Variants in UBTD2 observed in about 807,000 individuals in gnomAD.
UBTD2 encodes the protein ubiquitin domain-containing protein 2.
UBTD2 carries 9 observed loss-of-function variants against 19.8 expected under a neutral mutation model. The observed-to-expected ratio is 0.46, with a 90% CI of 0.27 to 0.79. The LOEUF (loss-of-function observed/expected upper bound fraction) is 0.79. Among genes scored for constraint, UBTD2 ranks in the 30% least tolerant of loss-of-function variants. UBTD2 has a pLI of 0.14. For missense variants in UBTD2, 250 were observed against 300.4 expected (o/e 0.83, Z 1.24); for synonymous variants, 98 against 103.9 (o/e 0.94, Z 0.35).
intron 2 of UBTD2, among the ~76,000 whole-genome samples, chr5:172,233,895 A>C (rs1307127927): frequency 6.6e-6 from 1 of 152,104 alleles, no homozygotes; most frequent in African/African-American, 2.4e-5. Flanking sequence ...TCTTTTCTGA[A>C]ATTAAGATAT....
At chr5:172,270,818 A>C (rs540123475) in intron 1 of UBTD2, among the ~76,000 whole-genome samples, 28 of 152,324 alleles carry the variant, frequency 1.8e-4, no homozygotes, top group African/African-American at 6.5e-4. Context: ...CTACTACATT[A>C]GAATTTTATA....
chr5:172,272,832 G>A (rs556221189), intron 1 of UBTD2, among the ~76,000 whole-genome samples: 16 of 152,298 alleles, frequency 1.1e-4, no homozygotes, highest in Admixed American at 6.5e-4. Flanking sequence ...TGTAATCCCA[G>A]CACTTTGGGA....
At chr5:172,227,870 G>A (rs1445942757) in intron 2 of UBTD2, among the ~76,000 whole-genome samples, 4 of 151,646 alleles carry the variant, frequency 2.6e-5, no homozygotes, top group African/African-American at 7.3e-5. Flanking sequence ...TAGTAGAGAC[G>A]GGGTTTCGCC....
intron 1 of UBTD2, among the ~76,000 whole-genome samples, chr5:172,254,094 G>A (rs7737176): frequency 9.0e-4 from 137 of 151,952 alleles, no homozygotes; most frequent in African/African-American, 3.2e-3. Context: ...ATTCAAACTA[G>A]CATTCCTTTT....
chr5:172,279,058 G>GT (rs1248286513), intron 1 of UBTD2, among the ~76,000 whole-genome samples: 9 of 152,296 alleles, frequency 5.9e-5, no homozygotes, highest in South Asian at 2.1e-4. Context: ...GAATGCAGGC[G>GT]TAAGCCACTG....
chr5:172,251,625 TG>T (rs1755021967), intron 1 of UBTD2, among the ~76,000 whole-genome samples: 3 of 96,778 alleles, frequency 3.1e-5, no homozygotes, highest in Admixed American at 1.1e-4. Context: ...CAAAGTGCAA[TG>T]AAAAAAAAAA....
rs1164255222 is a variant in UBTD2 at position 172,227,695 on chromosome 5, CTTTTTTTT to C, written c.307+6419_307+6426del. ...ACCATGCCTGGCCAAATGAAAAATT[CTTTTTTTT>C]TTTTTTTTTTTTTTTTTTGAGACAG... is the stretch of plus-strand genomic sequence containing the variant. On this transcript the variant is annotated intron_variant, in intron 2 of 2. Transcript: ENST00000393792. 8.5e-4 allele frequency among the ~76,000 whole-genome samples: 61 copies of C among 72,166 alleles called. 1 individual carries two copies. The highest frequency in any genetic ancestry group is 2.9e-3 in the Admixed American group (16 of 5,482). 47.3% of individuals were successfully genotyped at this position (72,166 alleles called of 152,430 possible).
intron 1 of UBTD2, among the ~76,000 whole-genome samples, chr5:172,245,679 T>A (rs1754863281): frequency 6.6e-6 from 1 of 150,434 alleles, no homozygotes; most frequent in African/African-American, 2.5e-5. Context: ...ACCATTGCAC[T>A]CTAGCCTGGG....
At chr5:172,235,332 C>T (rs1397285622) in intron 1 of UBTD2, among the ~76,000 whole-genome samples, 3 of 152,116 alleles carry the variant, frequency 2.0e-5, no homozygotes, top group Non-Finnish European at 4.4e-5. Context: ...AAGAGCCAAA[C>T]CACCAGAATC....
intron 1 of UBTD2, among the ~76,000 whole-genome samples, chr5:172,276,005 A>G (rs1478491482): frequency 1.3e-5 from 2 of 151,878 alleles, no homozygotes; most frequent in Non-Finnish European, 2.9e-5. Flanking sequence ...GTCTCTTCCC[A>G]CTTTAGGCAA....
intron 1 of UBTD2, among the ~76,000 whole-genome samples, chr5:172,275,903 A>G (rs979749508): frequency 1.3e-5 from 2 of 152,194 alleles, no homozygotes; most frequent in African/African-American, 4.8e-5. Context: ...TAAACATGGT[A>G]TTATTTTACT....
intron 1 of UBTD2, among the ~76,000 whole-genome samples, chr5:172,276,342 C>G (rs1755602448): frequency 6.6e-6 from 1 of 152,188 alleles, no homozygotes; most frequent in African/African-American, 2.4e-5. Context: ...ACACTAACAT[C>G]CTACGCAATA....
intron 1 of UBTD2, among the ~76,000 whole-genome samples, chr5:172,246,730 C>T (rs1032239563): frequency 6.8e-6 from 1 of 146,106 alleles, no homozygotes; most frequent in Admixed American, 6.9e-5. Flanking sequence ...AGGTGTGAGC[C>T]ACCACGCCCA....
chr5:172,216,943 G>A (rs1771554776), intron 2 of UBTD2, among the ~76,000 whole-genome samples: 1 of 151,952 alleles, frequency 6.6e-6, no homozygotes, highest in Non-Finnish European at 1.5e-5. Context: ...TCCAGCCTGG[G>A]CAACAGAGAC....
At chr5:172,258,785 T>C (rs1755209802) in intron 1 of UBTD2, among the ~76,000 whole-genome samples, 1 of 152,238 alleles carries the variant, frequency 6.6e-6, no homozygotes, top group Admixed American at 6.5e-5. Context: ...GAAATGCTAC[T>C]GATTTTGTAC....
At chr5:172,251,314 C>CAAAAAAAAAAAAAA (rs57577423) in intron 1 of UBTD2, among the ~76,000 whole-genome samples, 21 of 118,226 alleles carry the variant, frequency 1.8e-4, no homozygotes, top group African/African-American at 6.1e-4. Context: ...GAGCCTATCT[C>CAAAAAAAAAAAAAA]AAAAAAAAAA....
At chr5:172,268,683 C>T (rs7723873) in intron 1 of UBTD2, among the ~76,000 whole-genome samples, 4 of 151,614 alleles carry the variant, frequency 2.6e-5, no homozygotes, top group African/African-American at 4.9e-5. Flanking sequence ...CAGGAGGCAA[C>T]GGTTGCAGTG....
chr5:172,261,652 T>C (rs1755272416), intron 1 of UBTD2, among the ~76,000 whole-genome samples: 1 of 150,940 alleles, frequency 6.6e-6, no homozygotes, highest in South Asian at 2.1e-4. Context: ...TGAGATGGAG[T>C]CTCACTCTGT....
chr5:172,272,832 G>C (rs556221189), intron 1 of UBTD2, among the ~76,000 whole-genome samples: 4 of 152,180 alleles, frequency 2.6e-5, no homozygotes, highest in Non-Finnish European at 2.9e-5. Flanking sequence ...TGTAATCCCA[G>C]CACTTTGGGA....
Sources: gnomAD v4.1 joint callset for allele counts (sites outside exome capture counted in the v4.1 genomes callset) on GRCh38, gnomAD v4.1.1 for gene constraint, MANE v1.5 for transcripts, NCBI Gene and HGNC (gene_info 2026-07-23, HGNC 2026-07-21) for gene names.